Variants in CADM2 observed in about 807,000 individuals in gnomAD.
The protein encoded by CADM2 is immunoglobulin superfamily member 4D.
Under a neutral mutation model 49.8 loss-of-function variants are expected in CADM2, and 12 were observed. The observed-to-expected ratio is 0.24, with a 90% CI of 0.15 to 0.39. The LOEUF (loss-of-function observed/expected upper bound fraction) is 0.39. CADM2 is among the 10% of genes least tolerant of loss of function. The pLI, the probability that CADM2 is intolerant of heterozygous loss-of-function variation, is 1.00. For synonymous variants in CADM2, 214 were observed against 175.4 expected, an observed-to-expected ratio of 1.22 and a Z score of -1.74; for missense variants, 378 against 492.3, an observed-to-expected ratio of 0.77 and a Z score of 2.20.
At chr3:85,952,247 AT>A (rs1165483114) in intron 7 of CADM2, among the ~76,000 whole-genome samples, 8 of 150,644 alleles carry the variant, frequency 5.3e-5, no homozygotes, top group Non-Finnish European at 7.4e-5. Context: ...TTTTGAAATA[AT>A]TTTTTTCTTG....
intron 7 of CADM2, among the ~76,000 whole-genome samples, chr3:85,956,434 A>G (rs1724056619): frequency 6.6e-6 from 1 of 151,600 alleles, no homozygotes; most frequent in East Asian, 2.0e-4. Context: ...TTAAATACTA[A>G]TTGGGAATAT....
intron 6 of CADM2, among the ~76,000 whole-genome samples, chr3:85,934,524 A>G (rs1720969162): frequency 6.6e-6 from 1 of 152,010 alleles, no homozygotes; most frequent in Admixed American, 6.6e-5. Flanking sequence ...ACTGTGATGT[A>G]TTTTGAATGT....
intron 1 of CADM2, among the ~76,000 whole-genome samples, chr3:85,544,392 C>T (rs1160482215): frequency 6.6e-6 from 1 of 152,112 alleles, no homozygotes; most frequent in Non-Finnish European, 1.5e-5. Context: ...TCCTGGCTAA[C>T]ACGGTGAAAC....
chr3:85,272,486 A>T, intron 1 of CADM2, among the ~76,000 whole-genome samples: 1 of 151,332 alleles, frequency 6.6e-6, no homozygotes. Context: ...TTCTATTCAA[A>T]CAACTTTCTA....
intron 1 of CADM2, among the ~76,000 whole-genome samples, chr3:85,131,535 A>G (rs189562758): frequency 1.1e-4 from 17 of 152,304 alleles, no homozygotes; most frequent in Admixed American, 3.3e-4. Context: ...TATAATGGAG[A>G]CAAATGTTTT....
chr3:85,776,416 A>C (rs1248539416), intron 2 of CADM2, among the ~76,000 whole-genome samples: 1 of 151,928 alleles, frequency 6.6e-6, no homozygotes, highest in African/African-American at 2.4e-5. Context: ...CAATTTGTGA[A>C]TACTACTGAA....
At chr3:85,334,679 T>A (rs1194552466) in intron 1 of CADM2, among the ~76,000 whole-genome samples, 4 of 151,726 alleles carry the variant, frequency 2.6e-5, no homozygotes, top group African/African-American at 9.6e-5. Flanking sequence ...TTTTCAAATG[T>A]TAACAAAAAT....
chr3:85,320,514 TC>T (rs2044571962), intron 1 of CADM2, among the ~76,000 whole-genome samples: 1 of 152,132 alleles, frequency 6.6e-6, no homozygotes, highest in Non-Finnish European at 1.5e-5. Context: ...CCGGTGGTTG[TC>T]CCCTGACATC....
At chr3:85,964,162 T>A (rs984686751) in intron 8 of CADM2, among the ~76,000 whole-genome samples, 1 of 151,900 alleles carries the variant, frequency 6.6e-6, no homozygotes, top group African/African-American at 2.4e-5. Context: ...GAAATTTGAG[T>A]GGCATTTCGA....
chr3:85,155,106 A>C (rs2040065304), intron 1 of CADM2, among the ~76,000 whole-genome samples: 1 of 147,560 alleles, frequency 6.8e-6, no homozygotes, highest in Admixed American at 6.6e-5. Context: ...CCTTAAATGT[A>C]AATGGACTAA....
intron 1 of CADM2, among the ~76,000 whole-genome samples, chr3:85,290,247 G>A (rs891454565): frequency 2.2e-4 from 33 of 152,114 alleles, no homozygotes; most frequent in Admixed American, 1.0e-3. Flanking sequence ...AAAAAATGGC[G>A]CACCACGAGA....
intron 2 of CADM2, among the ~76,000 whole-genome samples, chr3:85,778,545 A>G (rs1406088352): frequency 6.6e-6 from 1 of 151,916 alleles, no homozygotes; most frequent in Non-Finnish European, 1.5e-5. Context: ...CACTCACTCC[A>G]TCCTGCCACT....
At chr3:85,613,542 A>G (rs1000617257) in intron 1 of CADM2, among the ~76,000 whole-genome samples, 5 of 151,642 alleles carry the variant, frequency 3.3e-5, no homozygotes, top group African/African-American at 9.7e-5. Context: ...GTGATGGGCA[A>G]ACTTCTAAGT....
At chr3:85,778,730 T>C (rs768794603) in intron 2 of CADM2, among the ~76,000 whole-genome samples, 14 of 152,200 alleles carry the variant, frequency 9.2e-5, no homozygotes, top group Non-Finnish European at 1.5e-4. Context: ...TTATCTTTTA[T>C]GTATATGAGG....
At chr3:85,728,552 T>G (rs2067801499) in intron 2 of CADM2, among the ~76,000 whole-genome samples, 1 of 150,460 alleles carries the variant, frequency 6.6e-6, no homozygotes, top group Non-Finnish European at 1.5e-5. Context: ...AAAAAAAAAG[T>G]GGATAAGAGG....
intron 1 of CADM2, among the ~76,000 whole-genome samples, chr3:85,050,278 A>G (rs985399935): frequency 2.6e-5 from 4 of 152,102 alleles, no homozygotes; most frequent in Non-Finnish European, 5.9e-5. Flanking sequence ...AAAAGGGTCA[A>G]TATACTGAAG....
At chr3:85,082,696 G>A (rs1224712435) in intron 1 of CADM2, among the ~76,000 whole-genome samples, 1 of 152,104 alleles carries the variant, frequency 6.6e-6, no homozygotes, top group Non-Finnish European at 1.5e-5. Flanking sequence ...CACACGGTTA[G>A]GGGTCTTATT....
chr3:86,012,702 C>T, intron 8 of CADM2: 1 of 1,136,216 alleles, frequency 8.8e-7, no homozygotes. Context: ...GATAAAACAC[C>T]TGATCGGCTG....
intron 1 of CADM2, among the ~76,000 whole-genome samples, chr3:85,452,483 GT>G (rs1320976333): frequency 6.6e-6 from 1 of 151,878 alleles, no homozygotes; most frequent in African/African-American, 2.4e-5. Context: ...TTTTGTTTTT[GT>G]TTTTATTATA....
Sources: gnomAD v4.1 joint callset for allele counts (sites outside exome capture counted in the v4.1 genomes callset) on GRCh38, gnomAD v4.1.1 for gene constraint, MANE v1.5 for transcripts, NCBI Gene and HGNC (gene_info 2026-07-23, HGNC 2026-07-21) for gene names.